GALK2: variants seen among roughly 807,000 people sequenced by gnomAD.
GALK2 encodes the protein galactokinase 2, also known as N-acetylgalactosamine kinase.
In GALK2, 36 loss-of-function variants were observed where a neutral mutation model predicts 52.4. The observed-to-expected ratio is 0.69, with a 90% CI of 0.53 to 0.91. The LOEUF (loss-of-function observed/expected upper bound fraction) is 0.91. Ranked by LOEUF, GALK2 falls within the 40% of genes least tolerant of loss-of-function variation. GALK2 has a pLI of 0.00. For missense variants in GALK2, 579 were observed against 559.1 expected (o/e 1.04, Z -0.36); for synonymous variants, 176 against 199.1 (o/e 0.88, Z 0.98).
At chr15:49,310,276 T>C (rs2035884714) in intron 8 of GALK2, among the ~76,000 whole-genome samples, 1 of 152,230 alleles carries the variant, frequency 6.6e-6, no homozygotes, top group Non-Finnish European at 1.5e-5. Context: ...TTTTCTTTAT[T>C]CATTCATCTG....
intron 7 of GALK2, 47 bp from the exon 8 acceptor site, chr15:49,292,280 T>A (rs1185095487): frequency 6.5e-7 from 1 of 1,543,560 alleles, no homozygotes. Context: ...ATAGTACACA[T>A]CAAATTCTGA....
intron 8 of GALK2, among the ~76,000 whole-genome samples, chr15:49,308,820 T>C (rs1188673352): frequency 6.6e-6 from 1 of 152,180 alleles, no homozygotes; most frequent in Admixed American, 6.5e-5. Flanking sequence ...ACTTGGAAGG[T>C]TGCTCTGGAG....
chr15:49,258,509 C>T (rs144266158), intron 5 of GALK2, among the ~76,000 whole-genome samples: 108 of 152,024 alleles, frequency 7.1e-4, no homozygotes, highest in African/African-American at 2.3e-3. Flanking sequence ...CTAACAGTGA[C>T]ACAATGAAGT....
At chr15:49,230,910 G>T (rs1219988998) in intron 3 of GALK2, among the ~76,000 whole-genome samples, 1 of 152,202 alleles carries the variant, frequency 6.6e-6, no homozygotes, top group Non-Finnish European at 1.5e-5. Context: ...GTGGGAAAAT[G>T]AGTGGTTTTG....
chr15:49,190,735 G>A (rs576149149), intron 1 of GALK2, among the ~76,000 whole-genome samples: 5 of 152,296 alleles, frequency 3.3e-5, no homozygotes, highest in South Asian at 2.1e-4. Context: ...CCCAGCAGCC[G>A]TACTTCAACC....
intron 3 of GALK2, among the ~76,000 whole-genome samples, chr15:49,221,066 G>A (rs772572161): frequency 3.0e-4 from 46 of 152,048 alleles, no homozygotes; most frequent in Non-Finnish European, 6.3e-4. Context: ...TTCCTATGTG[G>A]GCAGAAGCTT....
intron 3 of GALK2, among the ~76,000 whole-genome samples, chr15:49,340,051 G>A (rs2040435982): frequency 6.6e-6 from 1 of 152,134 alleles, no homozygotes; most frequent in Non-Finnish European, 1.5e-5. Flanking sequence ...AACTTGCTGG[G>A]CTCAGTGGGG....
At chr15:49,367,329 A>G in intron 3 of GALK2, 3 of 931,966 alleles carry the variant, frequency 3.2e-6, no homozygotes, top group Non-Finnish European at 4.6e-6. Flanking sequence ...TATTAATACT[A>G]AACAGAAGCA....
chr15:49,178,560 T>C (rs1446060447), intron 1 of GALK2: 3 of 246,502 alleles, frequency 1.2e-5, no homozygotes, highest in African/African-American at 6.9e-5. Flanking sequence ...ATCCTATATA[T>C]AACGTAAACT....
At chr15:49,363,544 A>T (rs111915846) in intron 3 of GALK2, among the ~76,000 whole-genome samples, 3,852 of 152,262 alleles carry the variant, frequency 0.025, 90 homozygotes, top group African/African-American at 0.051. Flanking sequence ...TGGTTTTGCT[A>T]CATATAGGAT....
chr15:49,182,870 T>G (rs1170775356), intron 1 of GALK2, among the ~76,000 whole-genome samples: 2 of 152,208 alleles, frequency 1.3e-5, no homozygotes, highest in Non-Finnish European at 2.9e-5. Context: ...TTAAGCTCAT[T>G]ACATTTTCTG....
chr15:49,280,784 C>G (rs986252800), intron 5 of GALK2, among the ~76,000 whole-genome samples: 1 of 151,976 alleles, frequency 6.6e-6, no homozygotes, highest in Non-Finnish European at 1.5e-5. Flanking sequence ...AAAAAGGGGA[C>G]ACCATGATGG....
At chr15:49,283,368 C>G (rs2032964374) in intron 6 of GALK2, among the ~76,000 whole-genome samples, 198 bp from the exon 7 acceptor site, 1 of 152,180 alleles carries the variant, frequency 6.6e-6, no homozygotes, top group Non-Finnish European at 1.5e-5. Context: ...TGATTGCGGG[C>G]TCTATGAGAG....
At chr15:49,210,367 C>G (rs2088728290) in intron 2 of GALK2, among the ~76,000 whole-genome samples, 1 of 151,168 alleles carries the variant, frequency 6.6e-6, no homozygotes, top group Non-Finnish European at 1.5e-5. Context: ...TAGAGATGTA[C>G]CATTAGGTTG....
chr15:49,227,510 A>G (rs1038016989), intron 3 of GALK2, among the ~76,000 whole-genome samples: 3 of 151,398 alleles, frequency 2.0e-5, no homozygotes, highest in Non-Finnish European at 4.4e-5. Context: ...CTTTCAATAT[A>G]TATGTGTTTT....
intron 8 of GALK2, among the ~76,000 whole-genome samples, chr15:49,298,139 G>A (rs758246692): frequency 2.0e-5 from 3 of 151,942 alleles, no homozygotes; most frequent in Non-Finnish European, 4.4e-5. Context: ...TCACCTCCTT[G>A]GTTAACTATA....
intron 3 of GALK2, among the ~76,000 whole-genome samples, chr15:49,228,340 G>A (rs1379543129): frequency 2.0e-5 from 3 of 151,828 alleles, no homozygotes; most frequent in Admixed American, 6.6e-5. Flanking sequence ...CTGCTTTCTT[G>A]AACACCAAAA....
In GALK2 at chr15:49,265,848, T is replaced by C. The variant is rs1453675578; in HGVS notation, c.505-16139T>C. ...AAGCGCTTGTGAGTTTTTAAGATTCTTGCTAGCAAGGAAAAATAGCCCACT... is the reference window on the plus strand; with the variant it reads ...AAGCGCTTGTGAGTTTTTAAGATTCCTGCTAGCAAGGAAAAATAGCCCACT... On this transcript the variant is annotated intron_variant, in intron 5 of 9. Coordinates refer to ENST00000560031, the MANE Select transcript of GALK2 (RefSeq NM_002044.4). Among the ~76,000 whole-genome samples the C allele has an allele frequency of 1.1e-4, 17 of 152,230 alleles. No individual in the cohort carries two copies. In the East Asian group the frequency reaches 3.3e-3, roughly 29 times the overall value.
In GALK2 at chr15:49,252,808, A is replaced by G. The variant is rs1393970611; in HGVS notation, c.504+13441A>G. ...GCAGCAACATTGCATGAGAGGATCT[A>G]TTTTCCTACTACTGAAGTTCTATCA... On this transcript the variant is annotated intron_variant, in intron 5 of 9. Transcript: ENST00000560031. 3.5e-5 allele frequency among the ~76,000 whole-genome samples: 5 copies of G among 144,668 alleles called. 2 individuals are homozygous for G. The highest frequency in any genetic ancestry group is 1.4e-4 in the Admixed American group (2 of 14,378). 94.9% of individuals were successfully genotyped at this position (144,668 alleles called of 152,430 possible). A position where few individuals can be genotyped will look rare whatever the true frequency, so the allele number is the denominator to read the frequency against.
Sources: allele counts gnomAD v4.1 joint callset (sites outside exome capture counted in the v4.1 genomes callset), GRCh38; gene constraint gnomAD v4.1.1; transcripts MANE v1.5; gene names NCBI Gene and HGNC (gene_info 2026-07-23, HGNC 2026-07-21).